The following GPC5 variants were observed in gnomAD, a reference collection of about 807,000 sequenced individuals.
GPC5 encodes glypican 5, also known as glypican-5.
GPC5 carries 47 observed loss-of-function variants against 53.9 expected under a neutral mutation model. That is an observed-to-expected ratio of 0.87 (90% CI 0.69 to 1.11). GPC5 has a LOEUF of 1.11. GPC5 is among the 50% of genes most tolerant of loss of function. GPC5 has a pLI of 0.00. For synonymous variants in GPC5, 286 were observed against 263.3 expected (o/e 1.09, Z -0.84); for missense variants, 748 against 713.1 (o/e 1.05, Z -0.56).
chr13:91,424,044 CAAA>C (rs919453104), intron 1 of GPC5, among the ~76,000 whole-genome samples: 10 of 152,058 alleles, frequency 6.6e-5, no homozygotes, highest in Admixed American at 2.0e-4. Flanking sequence ...TTTTGGGAAA[CAAA>C]GAAGATTCCT....
At chr13:92,479,226 G>T (rs1468373222) in intron 7 of GPC5, among the ~76,000 whole-genome samples, 2 of 152,136 alleles carry the variant, frequency 1.3e-5, no homozygotes, top group Non-Finnish European at 2.9e-5. Context: ...ATAGGCTCAG[G>T]AAAGGGCCCA....
intron 7 of GPC5, among the ~76,000 whole-genome samples, chr13:92,591,754 C>T (rs191703189): frequency 1.3e-5 from 2 of 152,218 alleles, no homozygotes; most frequent in African/African-American, 2.4e-5. Context: ...CCCCCACCCC[C>T]CAACCACCCT....
chr13:92,700,204 C>A (rs1594431277), intron 7 of GPC5, among the ~76,000 whole-genome samples: 1 of 149,548 alleles, frequency 6.7e-6, no homozygotes, highest in African/African-American at 2.5e-5. Flanking sequence ...CTCTTTTGAA[C>A]TTTGTTGGTT....
chr13:91,847,020 C>G (rs1357013696), intron 5 of GPC5, among the ~76,000 whole-genome samples: 1 of 151,744 alleles, frequency 6.6e-6, no homozygotes, highest in Non-Finnish European at 1.5e-5. Flanking sequence ...GAGATCGAGA[C>G]CATCCTGGCT....
intron 6 of GPC5, among the ~76,000 whole-genome samples, chr13:91,924,455 C>T (rs932663180): frequency 1.3e-5 from 2 of 151,966 alleles, no homozygotes; most frequent in Admixed American, 1.3e-4. Flanking sequence ...AGTGGTGGCT[C>T]CTGCCTGTAA....
At chr13:92,632,481 T>C (rs1206841533) in intron 7 of GPC5, among the ~76,000 whole-genome samples, 1 of 132,250 alleles carries the variant, frequency 7.6e-6, no homozygotes, top group East Asian at 2.1e-4. Flanking sequence ...TATATATATA[T>C]ATATACACAT....
intron 2 of GPC5, among the ~76,000 whole-genome samples, chr13:91,545,971 G>T (rs896641226): frequency 6.6e-6 from 1 of 152,022 alleles, no homozygotes; most frequent in Non-Finnish European, 1.5e-5. Flanking sequence ...TTGGTGGCTT[G>T]TTTTTGGATA....
intron 6 of GPC5, among the ~76,000 whole-genome samples, chr13:92,055,082 T>A (rs1227200148): frequency 6.6e-6 from 1 of 152,204 alleles, no homozygotes; most frequent in Non-Finnish European, 1.5e-5. Flanking sequence ...AGGGAATACT[T>A]ACATCCTTCC....
At chr13:92,849,725 A>C (rs1448985218) in intron 7 of GPC5, among the ~76,000 whole-genome samples, 6 of 152,234 alleles carry the variant, frequency 3.9e-5, no homozygotes, top group African/African-American at 7.2e-5. Context: ...GTCTAAATGA[A>C]AGAAAATATT....
intron 2 of GPC5, among the ~76,000 whole-genome samples, chr13:91,683,971 C>T (rs904942848): frequency 3.3e-5 from 5 of 152,208 alleles, no homozygotes; most frequent in African/African-American, 9.6e-5. Flanking sequence ...CAGCTGTTAT[C>T]AAGGTTGCTA....
rs1348995245 is a variant in GPC5, at chr13:91,572,051, ATG to A, written c.326-121134_326-121133del. 2.7e-3 allele frequency among the ~76,000 whole-genome samples: 126 copies of A among 46,054 alleles called. 2 individuals carry two copies. In the Middle Eastern group the frequency reaches 0.057, roughly 21 times the overall value. 30.2% of individuals were successfully genotyped at this position (46,054 alleles called of 152,430 possible). On this transcript the variant is annotated intron_variant, in intron 2 of 7. Transcript: ENST00000377067. Reference sequence around the variant, plus strand: ...TGTATATATGTGTATATACACACATATGTATATATACATGTATATACACACAT... The same window carrying A: ...TGTATATATGTGTATATACACACATATATATATACATGTATATACACACAT...
intron 7 of GPC5, among the ~76,000 whole-genome samples, chr13:92,260,030 TTA>T (rs2042755077): frequency 6.6e-6 from 1 of 152,180 alleles, no homozygotes; most frequent in South Asian, 2.1e-4. Context: ...ATCTGCAGCC[TTA>T]GCAACTAAAC....
At chr13:91,907,891 AC>A in intron 5 of GPC5, 45 bp from the exon 6 acceptor site, 1 of 1,582,238 alleles carries the variant, frequency 6.3e-7, no homozygotes, top group East Asian at 2.3e-5. Flanking sequence ...GACAGATAAT[AC>A]CCTGATCAGG....
chr13:91,706,424 G>A (rs1234439307), intron 3 of GPC5, among the ~76,000 whole-genome samples: 1 of 152,004 alleles, frequency 6.6e-6, no homozygotes, highest in Non-Finnish European at 1.5e-5. Context: ...CTTGTAAGGA[G>A]TATAATGCTA....
chr13:91,447,123 C>T (rs946586810), intron 1 of GPC5, among the ~76,000 whole-genome samples: 1 of 152,216 alleles, frequency 6.6e-6, no homozygotes, highest in Admixed American at 6.5e-5. Context: ...TCTAACACAA[C>T]AGTGTTATAT....
At chr13:91,741,942 C>T (rs1008437629) in intron 4 of GPC5, among the ~76,000 whole-genome samples, 2 of 152,020 alleles carry the variant, frequency 1.3e-5, no homozygotes, top group African/African-American at 4.8e-5. Context: ...CTTTGAGGTG[C>T]CATCATTATT....
intron 7 of GPC5, among the ~76,000 whole-genome samples, chr13:92,488,130 C>T (rs9523680): frequency 0.14 from 21,086 of 151,744 alleles, 1,525 homozygotes; most frequent in African/African-American, 0.17. Flanking sequence ...TGTGTGTGTG[C>T]GCGTGTGTGT....
chr13:91,896,152 C>T (rs898990871), intron 5 of GPC5, among the ~76,000 whole-genome samples: 7 of 143,122 alleles, frequency 4.9e-5, no homozygotes, highest in Middle Eastern at 3.9e-3. Flanking sequence ...CAGAGTCTCG[C>T]TCTATCATCC....
intron 6 of GPC5, among the ~76,000 whole-genome samples, chr13:92,124,803 GA>G (rs1424663812): frequency 2.0e-5 from 3 of 152,142 alleles, no homozygotes; most frequent in African/African-American, 7.2e-5. Context: ...TTTAAGGAGA[GA>G]AAAATAACAT....
Sources: gnomAD v4.1 joint callset for allele counts (sites outside exome capture counted in the v4.1 genomes callset) on GRCh38, gnomAD v4.1.1 for gene constraint, MANE v1.5 for transcripts, NCBI Gene and HGNC (gene_info 2026-07-23, HGNC 2026-07-21) for gene names.